TENM4: variants seen among roughly 807,000 people sequenced by gnomAD.
TENM4 encodes the protein teneurin-4.
In TENM4, 82 loss-of-function variants were observed where a neutral mutation model predicts 243.3. The observed-to-expected ratio is 0.34, with a 90% CI of 0.28 to 0.40. TENM4 has a LOEUF of 0.40. Ranked by LOEUF, TENM4 falls within the 10% of genes least tolerant of loss-of-function variation. The pLI, the probability that TENM4 is intolerant of heterozygous loss-of-function variation, is 1.00. For synonymous variants in TENM4, 1,412 were observed against 1,456.3 expected (o/e 0.97, Z 0.69); for missense variants, 3,138 against 3,673.3 (o/e 0.85, Z 3.77).
At chr11:79,064,680 A>G in intron 6 of TENM4, 58 bp downstream of exon 6, 2 of 1,541,928 alleles carry the variant, frequency 1.3e-6, no homozygotes, top group Non-Finnish European at 1.8e-6. Flanking sequence ...TCAATATTAT[A>G]AATAAAACCC....
chr11:78,744,440 A>G (rs1040210398), intron 19 of TENM4, among the ~76,000 whole-genome samples: 1 of 152,254 alleles, frequency 6.6e-6, no homozygotes, highest in Non-Finnish European at 1.5e-5. Flanking sequence ...GTGAGAAAAT[A>G]AAGTTCAGAC....
Position 78,732,440 on chromosome 11 carries a change from T to G in TENM4, c.3014A>C (p.Glu1005Ala). 5 of 1,613,880 alleles carry G rather than the reference T, an allele frequency of 3.1e-6. No homozygotes were observed. The highest frequency in any genetic ancestry group is 4.2e-6 in the Non-Finnish European group (5 of 1,179,860). The change falls in exon 21 of 34, where the codon GAG becomes GCG. Residue 1005 changes from glutamate (E) to alanine (A), a missense_variant. Glu to Ala is a moderately radical substitution (Grantham distance 107). This residue lies in a region of TENM4 where 2,467 missense variants were observed against 3,059.1 expected (regional missense o/e 0.81). Coordinates refer to ENST00000278550, the MANE Select transcript of TENM4 (RefSeq NM_001098816.3). ...CAGGTCACAGCTGGGAATCTCATTC[T>G]CCTCATGTCTCATGATGATGGTTTC... ...VMETIIMRHE[E>A]NEIPSCDLSN...
At chr11:79,188,522 G>C (rs1322277674) in intron 3 of TENM4, among the ~76,000 whole-genome samples, 3 of 151,824 alleles carry the variant, frequency 2.0e-5, no homozygotes, top group Non-Finnish European at 4.4e-5. Context: ...GAGGAGGAGA[G>C]GAAGAAGGAG....
At chr11:79,378,160 A>T (rs473003) in intron 1 of TENM4, among the ~76,000 whole-genome samples, 88,533 of 152,150 alleles carry the variant, frequency 0.58, 25,726 homozygotes, top group African/African-American at 0.6. Flanking sequence ...GAAAGGCAAC[A>T]GCTTCTCCCC....
At chr11:78,940,100 G>C (rs1207851906) in intron 6 of TENM4, among the ~76,000 whole-genome samples, 1 of 152,028 alleles carries the variant, frequency 6.6e-6, no homozygotes, top group Non-Finnish European at 1.5e-5. Flanking sequence ...ATGCTCCCTG[G>C]TATATATACA....
At chr11:78,720,016 T>C (rs1054025142) in intron 25 of TENM4, among the ~76,000 whole-genome samples, 1 of 152,234 alleles carries the variant, frequency 6.6e-6, no homozygotes, top group Non-Finnish European at 1.5e-5. Context: ...CAGGACTTCC[T>C]ATCATGACTA....
chr11:78,690,298 G>A (rs985146947), intron 28 of TENM4, among the ~76,000 whole-genome samples: 1 of 152,164 alleles, frequency 6.6e-6, no homozygotes, highest in African/African-American at 2.4e-5. Flanking sequence ...CCCTCTCAGA[G>A]CTCTGCTCCC....
At chr11:79,137,083 G>A (rs2156212) in intron 4 of TENM4, among the ~76,000 whole-genome samples, 111,403 of 151,988 alleles carry the variant, frequency 0.73, 41,882 homozygotes, top group African/African-American at 0.78. Flanking sequence ...GTGATCCACT[G>A]GCAAAAATTT....
At chr11:79,169,644 A>C (rs1044602816) in intron 3 of TENM4, among the ~76,000 whole-genome samples, 3 of 152,148 alleles carry the variant, frequency 2.0e-5, no homozygotes, top group South Asian at 2.1e-4. Context: ...CCCTCCCCCC[A>C]AAAAATGATG....
chr11:79,348,109 G>T (rs540789471), intron 1 of TENM4, among the ~76,000 whole-genome samples: 1 of 152,246 alleles, frequency 6.6e-6, no homozygotes, highest in South Asian at 2.1e-4. Flanking sequence ...GACTCAAGGG[G>T]CCCCATTTCC....
rs562889903 is a variant in TENM4, at chr11:78,780,733, A to C, written c.2366-2105T>G. ...TCTCTTCTAATGCCATTTCATTTTC[A>C]AGAACCACATAACCATGAAGAGCAC... On this transcript the variant is annotated intron_variant, in intron 16 of 33. Coordinates refer to ENST00000278550, the MANE Select transcript of TENM4 (RefSeq NM_001098816.3). Among the ~76,000 whole-genome samples the C allele has an allele frequency of 1.4e-3, 207 of 152,308 alleles. No homozygotes were observed. In the Middle Eastern group the frequency reaches 0.014, roughly 10 times the overall value.
At chr11:79,147,984 C>T (rs1862423448) in intron 4 of TENM4, among the ~76,000 whole-genome samples, 1 of 152,100 alleles carries the variant, frequency 6.6e-6, no homozygotes, top group African/African-American at 2.4e-5. Context: ...ACTATCTCTT[C>T]CTACCTTCCT....
intron 28 of TENM4, among the ~76,000 whole-genome samples, chr11:78,695,114 A>G (rs754271128): frequency 2.0e-5 from 3 of 147,606 alleles, no homozygotes; most frequent in Non-Finnish European, 4.5e-5. Context: ...TGGTGTGATT[A>G]TCGATCACTG....
At chr11:79,073,825 C>T (rs1266918192) in intron 4 of TENM4, among the ~76,000 whole-genome samples, 3 of 152,142 alleles carry the variant, frequency 2.0e-5, no homozygotes, top group Non-Finnish European at 4.4e-5. Flanking sequence ...TAGATGTTAG[C>T]TATTATTATC....
intron 7 of TENM4, among the ~76,000 whole-genome samples, chr11:78,900,075 C>A (rs1233283505): frequency 1.3e-5 from 2 of 152,180 alleles, no homozygotes; most frequent in Non-Finnish European, 2.9e-5. Context: ...CAGCTGAATA[C>A]TACCAGTGGA....
At chr11:78,978,004 C>T (rs1857703279) in intron 6 of TENM4, among the ~76,000 whole-genome samples, 1 of 152,126 alleles carries the variant, frequency 6.6e-6, no homozygotes, top group Non-Finnish European at 1.5e-5. Flanking sequence ...CACATATACA[C>T]CATGGAATAC....
At chr11:78,720,455 CATT>C (rs201375522) in intron 24 of TENM4, 65 bp from the exon 25 acceptor site, 25,596 of 1,572,428 alleles carry the variant, frequency 0.016, 260 homozygotes, top group Non-Finnish European at 0.018. Context: ...GGGTTAGAAG[CATT>C]ATTAGCAGCC....
intron 15 of TENM4, among the ~76,000 whole-genome samples, chr11:78,793,715 A>G (rs925722325): frequency 1.3e-5 from 2 of 152,230 alleles, no homozygotes; most frequent in African/African-American, 4.8e-5. Context: ...TAACTCATTA[A>G]ATTCTCTCAA....
At chr11:78,928,833 G>T (rs746503206) in intron 6 of TENM4, among the ~76,000 whole-genome samples, 7 of 152,302 alleles carry the variant, frequency 4.6e-5, no homozygotes, top group Middle Eastern at 3.4e-3. Context: ...TAGTTGGAAA[G>T]TCTCATTTCA....
Sources: gnomAD v4.1 joint callset for allele counts (sites outside exome capture counted in the v4.1 genomes callset) on GRCh38, gnomAD v4.1.1 for gene constraint, gnomAD v4.1.1 regional missense constraint, MANE v1.5 for transcripts, NCBI Gene and HGNC (gene_info 2026-07-23, HGNC 2026-07-21) for gene names.